The following RIMS2 variants were observed in gnomAD, a reference collection of about 807,000 sequenced individuals.
RIMS2 encodes regulating synaptic membrane exocytosis 2.
RIMS2 carries 59 observed loss-of-function variants against 174.4 expected under a neutral mutation model. The ratio of observed to expected loss-of-function variants is 0.34; its 90% CI spans 0.27 to 0.42. The LOEUF is 0.42. Among genes scored for constraint, RIMS2 ranks in the 10% least tolerant of loss-of-function variants. RIMS2 has a pLI of 1.00. For missense variants in RIMS2, 1,620 were observed against 1,666.3 expected, an observed-to-expected ratio of 0.97 and a Z score of 0.48; for synonymous variants, 606 against 572.5, an observed-to-expected ratio of 1.06 and a Z score of -0.84.
intron 1 of RIMS2, among the ~76,000 whole-genome samples, chr8:103,666,975 C>G (rs1346549533): frequency 6.6e-6 from 1 of 152,056 alleles, no homozygotes; most frequent in African/African-American, 2.4e-5. Flanking sequence ...TGACTGTATG[C>G]AAACATTTAA....
At chr8:104,044,983 T>C (rs938307323) in intron 19 of RIMS2, among the ~76,000 whole-genome samples, 1 of 151,858 alleles carries the variant, frequency 6.6e-6, no homozygotes, top group Non-Finnish European at 1.5e-5. Flanking sequence ...ATTCAGAATG[T>C]ATTTCACCTG....
intron 3 of RIMS2, among the ~76,000 whole-genome samples, chr8:103,876,960 T>G (rs1381506633): frequency 6.9e-6 from 1 of 144,272 alleles, no homozygotes; most frequent in Non-Finnish European, 1.5e-5. Flanking sequence ...ACTCGTTGAT[T>G]GATGGGCATT....
At chr8:103,973,511 A>G (rs1316781214) in intron 15 of RIMS2, among the ~76,000 whole-genome samples, 3 of 152,226 alleles carry the variant, frequency 2.0e-5, no homozygotes, top group African/African-American at 4.8e-5. Flanking sequence ...AATATTTACT[A>G]TATAATAGGA....
At chr8:104,093,086 G>C (rs2097691038) in intron 19 of RIMS2, among the ~76,000 whole-genome samples, 1 of 151,876 alleles carries the variant, frequency 6.6e-6, no homozygotes, top group Non-Finnish European at 1.5e-5. Flanking sequence ...TAGGTTTTCA[G>C]TGAAGCATAA....
chr8:103,774,169 G>A (rs2098284687), intron 3 of RIMS2, among the ~76,000 whole-genome samples: 2 of 152,134 alleles, frequency 1.3e-5, no homozygotes, highest in Admixed American at 1.3e-4. Context: ...ATATTAAAAT[G>A]ATCTAAACAT....
At chr8:103,655,049 T>G (rs2135933920) in intron 1 of RIMS2, among the ~76,000 whole-genome samples, 1 of 152,034 alleles carries the variant, frequency 6.6e-6, no homozygotes, top group South Asian at 2.1e-4. Flanking sequence ...TTCATATTCT[T>G]TAGCATAATA....
At chr8:103,583,919 T>C (rs553096408) in intron 1 of RIMS2, among the ~76,000 whole-genome samples, 6 of 150,894 alleles carry the variant, frequency 4.0e-5, no homozygotes, top group Non-Finnish European at 5.9e-5. Context: ...AATGGGATAA[T>C]AACAACTTCC....
At chr8:104,070,652 A>T (rs1397555933) in intron 19 of RIMS2, among the ~76,000 whole-genome samples, 2 of 152,172 alleles carry the variant, frequency 1.3e-5, no homozygotes, top group East Asian at 1.9e-4. Flanking sequence ...AGGCCAAAGC[A>T]TAAAGTCCTG....
chr8:103,866,362 A>G (rs992366296), intron 3 of RIMS2, among the ~76,000 whole-genome samples: 5 of 152,174 alleles, frequency 3.3e-5, no homozygotes, highest in Non-Finnish European at 7.4e-5. Flanking sequence ...TCATATCTAC[A>G]TGTAATGGCG....
intron 19 of RIMS2, among the ~76,000 whole-genome samples, chr8:104,144,141 A>T (rs2098608694): frequency 6.6e-6 from 1 of 152,048 alleles, no homozygotes; most frequent in South Asian, 2.1e-4. Flanking sequence ...ACAATACTAG[A>T]TTTGCCTTTT....
At chr8:103,593,857 G>C (rs1364119573) in intron 1 of RIMS2, among the ~76,000 whole-genome samples, 2 of 151,020 alleles carry the variant, frequency 1.3e-5, no homozygotes, top group Admixed American at 6.6e-5. Flanking sequence ...TTTCTAAAAA[G>C]TAGATAGAAA....
At chr8:103,551,517 G>A (rs917775082) in intron 1 of RIMS2, among the ~76,000 whole-genome samples, 7 of 152,124 alleles carry the variant, frequency 4.6e-5, no homozygotes, top group Admixed American at 2.0e-4. Context: ...AAAACTGGAA[G>A]CATTCCCTTT....
intron 1 of RIMS2, among the ~76,000 whole-genome samples, chr8:103,601,830 G>T (rs2094761690): frequency 1.3e-5 from 2 of 150,778 alleles, no homozygotes. Context: ...TTCAATTTGA[G>T]GTTACTGTGA....
chr8:103,548,549 T>C lies in RIMS2; in HGVS notation c.176+47487T>C, dbSNP rs140729634. On this transcript the variant is annotated intron_variant, in intron 1 of 23. Transcript: ENST00000504942. ...TAATAAGAGCCATCTATGTAAAACA[T>C]ACAACCAACATTATATTGAATGGGC... Among the ~76,000 whole-genome samples, 941 of 151,150 alleles carry C rather than the reference T, an allele frequency of 6.2e-3. 5 individuals carry two copies. The highest frequency in any genetic ancestry group is 0.011 in the Non-Finnish European group (735 of 67,600).
intron 1 of RIMS2, among the ~76,000 whole-genome samples, chr8:103,645,461 A>G (rs1010557864): frequency 1.3e-5 from 2 of 152,148 alleles, no homozygotes; most frequent in Admixed American, 1.3e-4. Flanking sequence ...AAGTGAATCA[A>G]TTTGATCTAA....
intron 1 of RIMS2, among the ~76,000 whole-genome samples, chr8:103,599,393 A>G (rs2094604334): frequency 6.8e-6 from 1 of 148,114 alleles, no homozygotes. Flanking sequence ...TGTTTTTATT[A>G]TATATAATGT....
chr8:103,673,601 G>A (rs910642265), intron 1 of RIMS2, among the ~76,000 whole-genome samples: 7 of 152,194 alleles, frequency 4.6e-5, no homozygotes, highest in Non-Finnish European at 1.0e-4. Context: ...AGCTAGAGCA[G>A]CCAGCATGCC....
chr8:104,007,762 T>A (rs913578095), intron 17 of RIMS2, among the ~76,000 whole-genome samples: 5 of 152,156 alleles, frequency 3.3e-5, no homozygotes, highest in African/African-American at 1.2e-4. Flanking sequence ...GATCATATGA[T>A]CAGTAATGAC....
intron 19 of RIMS2, among the ~76,000 whole-genome samples, chr8:104,108,302 A>G (rs1323741704): frequency 6.6e-6 from 1 of 151,876 alleles, no homozygotes; most frequent in East Asian, 1.9e-4. Context: ...TCACTGCATG[A>G]TCATATCTCA....
Sources: allele counts gnomAD v4.1 joint callset (sites outside exome capture counted in the v4.1 genomes callset), GRCh38; gene constraint gnomAD v4.1.1; transcripts MANE v1.5; gene names NCBI Gene and HGNC (gene_info 2026-07-23, HGNC 2026-07-21).